POM121C: variants seen among roughly 807,000 people sequenced by gnomAD.
POM121C encodes the protein nuclear envelope pore membrane protein POM 121C.
A neutral mutation model predicts 66.4 loss-of-function variants in POM121C; 20 were observed. The ratio of observed to expected loss-of-function variants is 0.30; its 90% confidence interval spans 0.21 to 0.44. The LOEUF is 0.44. Ranked by LOEUF, POM121C falls within the 20% of genes least tolerant of loss-of-function variation. The probability of loss-of-function intolerance (pLI) is 1.00; values close to 1 mark genes in which losing one functional copy is unlikely to be tolerated. For synonymous variants in POM121C, 286 were observed against 528.0 expected (o/e 0.54, Z 6.28); for missense variants, 580 against 1,225.7 (o/e 0.47, Z 7.87).
rs374574051 is a variant in POM121C at position 75,441,462 on chromosome 7, G to T, written c.35C>A (p.Pro12His). The T allele has an allele frequency of 3.1e-6, 5 of 1,613,804 alleles. No individual in the cohort carries two copies. The African/African-American group carries it at 6.7e-5, about 22-fold the overall frequency. The change falls in exon 4 of 15, where the codon CCT becomes CAT. Residue 12 changes from proline (P) to histidine (H), a missense_variant. Transcript: ENST00000615331. The stretch of plus-strand genomic sequence containing the variant: ...AGAACGTGAAAATCTTCTGTCAGGA[G>T]GGGCGATCCTCACAGTCACTGGGCT... ...VCSPVTVRIAPPDRRFSRSAI... is the reference protein window; with the variant it reads ...VCSPVTVRIAHPDRRFSRSAI...
At chr7:75,449,196 A>G (rs1454442211) in intron 3 of POM121C, among the ~76,000 whole-genome samples, 1 of 150,302 alleles carries the variant, frequency 6.7e-6, no homozygotes, top group East Asian at 2.0e-4. Context: ...CTGCTATCGC[A>G]CGTCTGAGGG....
At chr7:75,458,302 G>T in intron 3 of POM121C, among the ~76,000 whole-genome samples, 1 of 152,080 alleles carries the variant, frequency 6.6e-6, no homozygotes, top group East Asian at 1.9e-4. Context: ...GGCCGAGATG[G>T]GAGGAACACT....
intron 5 of POM121C, among the ~76,000 whole-genome samples, chr7:75,439,937 CTGGCATGGTCT>C (rs1790566243): frequency 6.7e-6 from 1 of 148,420 alleles, no homozygotes; most frequent in Non-Finnish European, 1.5e-5. Flanking sequence ...CTAGAGTGCA[CTGGCATGGTCT>C]CGGCTCGCTG....
intron 3 of POM121C, among the ~76,000 whole-genome samples, chr7:75,469,993 G>C (rs142929309): frequency 1.3e-5 from 2 of 152,296 alleles, no homozygotes; most frequent in East Asian, 3.9e-4. Context: ...TTGAGACAGT[G>C]TCTTGCTCTG....
chr7:75,471,730 C>A (rs587679927), intron 3 of POM121C, among the ~76,000 whole-genome samples: 1 of 152,056 alleles, frequency 6.6e-6, no homozygotes, highest in African/African-American at 2.4e-5. Context: ...CCTGCCAGAG[C>A]GCTTGCTGAC....
rs781967642 is a variant in POM121C, at chr7:75,437,573, G to C, written c.422C>G (p.Pro141Arg). Residue 141 changes from proline to arginine, a missense_variant, in exon 7 of 15, where the codon CCT becomes CGT. By Grantham distance (103) the Pro-to-Arg change is moderately radical. Coordinates refer to ENST00000615331, the MANE Select transcript of POM121C (RefSeq NM_001099415.3). ...GGTAATGGCATTGCGGCTGGAGCTA[G>C]GGATGCCACTTGTGTAAGCGCCTGT... ...SLTGAYTSGI[P>R]SSSRNAITSS... 4 of 1,613,964 alleles carry C rather than the reference G, an allele frequency of 2.5e-6. No homozygotes were observed. The highest frequency in any genetic ancestry group is 2.2e-5 in the South Asian group (2 of 91,078).
chr7:75,473,803 C>T (rs1419647199), intron 3 of POM121C, among the ~76,000 whole-genome samples: 2 of 151,536 alleles, frequency 1.3e-5, no homozygotes, highest in Non-Finnish European at 3.0e-5. Context: ...ATTCTCCTGC[C>T]TCAGCCTCCC....
rs587762822 is a variant in POM121C at position 75,473,389 on chromosome 7, T to C, written c.-152+1315A>G. ...AAGAAAAGGAACCAACATTCACTTA[T>C]GAAATTCACACTTCCTGAATGTCTA... On this transcript the variant is annotated intron_variant, in intron 3 of 14. Coordinates refer to ENST00000615331, the MANE Select transcript of POM121C (RefSeq NM_001099415.3). 2.8e-4 allele frequency among the ~76,000 whole-genome samples: 43 copies of C among 151,916 alleles called. 1 individual carries two copies. The South Asian group carries it at 8.3e-3, about 29-fold the overall frequency.
At chr7:75,443,308 G>C (rs1250306952) in intron 3 of POM121C, among the ~76,000 whole-genome samples, 1 of 152,052 alleles carries the variant, frequency 6.6e-6, no homozygotes, top group Non-Finnish European at 1.5e-5. Flanking sequence ...TGGGGGTGGG[G>C]AATAGAAAAT....
chr7:75,441,100 G>T lies in POM121C; in HGVS notation c.81C>A (p.Ile27=). Reference sequence around the variant, plus strand: ...TTGATGGTGACGACAGTGTTGAGCTGATTATCTGCTCTGGTCTATAATGAA... The same window carrying T: ...TTGATGGTGACGACAGTGTTGAGCTTATTATCTGCTCTGGTCTATAATGAA... ...FSRSAIPEQI[I]SSTLSSPSSN... is the part of the protein sequence containing the mutation. Residue 27 remains isoleucine, a synonymous_variant, in exon 5 of 15, where the codon ATC becomes ATA. Coordinates refer to ENST00000615331, the MANE Select transcript of POM121C (RefSeq NM_001099415.3). 1 of 1,613,902 alleles carries T rather than the reference G, an allele frequency of 6.2e-7. No homozygotes were observed. Among genetic ancestry groups the T allele is most frequent in the Non-Finnish European group, 8.5e-7 (1 of 1,179,862 alleles).
chr7:75,442,021 G>C (rs1389276545), intron 3 of POM121C: 2 of 800,016 alleles, frequency 2.5e-6, no homozygotes, highest in Non-Finnish European at 3.7e-6. Flanking sequence ...AGGTGTTAAG[G>C]AGGGCAAAAC....
chr7:75,465,924 A>AAAAAG (rs1791627213), intron 3 of POM121C, among the ~76,000 whole-genome samples: 3 of 126,856 alleles, frequency 2.4e-5, no homozygotes, highest in South Asian at 2.7e-4. Context: ...AAAAAAAAAA[A>AAAAAG]GGTGTGTGAC....
intron 1 of POM121C, among the ~76,000 whole-genome samples, chr7:75,485,607 T>A (rs1554480761): frequency 6.6e-6 from 1 of 152,122 alleles, no homozygotes; most frequent in Non-Finnish European, 1.5e-5. Flanking sequence ...GAGGAAGGAC[T>A]GTTAGGGGTT....
At chr7:75,476,290 C>CAAAA (rs11426718) in intron 1 of POM121C, among the ~76,000 whole-genome samples, 1 of 116,548 alleles carries the variant, frequency 8.6e-6, no homozygotes, top group East Asian at 2.2e-4. Flanking sequence ...GACCTTGTCT[C>CAAAA]AAAAAAAAAA....
rs1554470614 is a variant in POM121C at position 75,421,505 on chromosome 7, T to C, written c.2743+4A>G. ...CGGTAGCCCAAGTCCACGCCCCTCCTTACCTCCAAACACAGGTTTGCTCTC... is the reference window on the plus strand; with the variant it reads ...CGGTAGCCCAAGTCCACGCCCCTCCCTACCTCCAAACACAGGTTTGCTCTC... On this transcript the variant is annotated splice_donor_region_variant and intron_variant, in intron 13 of 14. Coordinates refer to ENST00000615331, the MANE Select transcript of POM121C (RefSeq NM_001099415.3). 6.2e-7 allele frequency: 1 copy of C among 1,611,200 alleles called. No individual in the cohort carries two copies.
In POM121C at chr7:75,417,053, G is replaced by T; in HGVS notation, c.*1743C>A. The T allele has an allele frequency of 9.1e-7, 1 of 1,103,008 alleles. No homozygotes were observed. The allele number at this position is 1,103,008 out of a possible 1,614,324, so 68.3% of individuals were successfully genotyped here. On this transcript the variant is annotated 3_prime_UTR_variant, in exon 15 of 15. Transcript: ENST00000615331. ...AGGGTCTACCTTACATAAGGTACAG[G>T]TAGAAGCTTGATTGCTAGGCCCAGG... is the stretch of plus-strand genomic sequence containing the variant.
Position 75,471,818 on chromosome 7 carries a change from T to C in POM121C, c.-152+2886A>G, listed in dbSNP as rs113627415. ...ACACAACGCACAACGCTAAAGTTTATTGCTCAACAATGCAAATACAGTTAA... is the reference window on the plus strand; with the variant it reads ...ACACAACGCACAACGCTAAAGTTTACTGCTCAACAATGCAAATACAGTTAA... On this transcript the variant is annotated intron_variant, in intron 3 of 14. Transcript: ENST00000615331. 1.6e-3 allele frequency among the ~76,000 whole-genome samples: 251 copies of C among 152,302 alleles called. 1 individual carries two copies. The highest frequency in any genetic ancestry group is 5.9e-3 in the African/African-American group (246 of 41,558).
intron 13 of POM121C, chr7:75,420,815 T>G (rs1287799022): frequency 6.5e-6 from 1 of 153,862 alleles, no homozygotes; most frequent in Non-Finnish European, 1.4e-5. Context: ...CCTCTTGGCC[T>G]CCTTCCACAC....
At chr7:75,436,016 G>A (rs1257211485) in intron 7 of POM121C, among the ~76,000 whole-genome samples, 9 of 150,120 alleles carry the variant, frequency 6.0e-5, no homozygotes, top group Admixed American at 6.7e-5. Flanking sequence ...GCACCACTGC[G>A]CTCCAGCGTG....
Sources: gnomAD v4.1 joint callset for allele counts (sites outside exome capture counted in the v4.1 genomes callset) on GRCh38, gnomAD v4.1.1 for gene constraint, MANE v1.5 for transcripts, NCBI Gene and HGNC (gene_info 2026-07-23, HGNC 2026-07-21) for gene names.